Variants in SV2C observed in about 807,000 individuals in gnomAD.
SV2C encodes solute carrier family 22 member B3.
In SV2C, 49 loss-of-function variants were observed where a neutral mutation model predicts 79.7. The observed-to-expected ratio is 0.61, with a 90% CI of 0.49 to 0.78. The LOEUF (loss-of-function observed/expected upper bound fraction) is 0.78, where lower values mean the gene tolerates loss of function less well. SV2C is among the 30% of genes least tolerant of loss of function. SV2C has a pLI of 0.00. For synonymous variants in SV2C, 334 were observed against 333.2 expected (o/e 1.00, Z -0.03); for missense variants, 833 against 912.9 (o/e 0.91, Z 1.13).
chr5:76,088,401 T>G (rs1462199724), intron 1 of SV2C, among the ~76,000 whole-genome samples: 1 of 152,152 alleles, frequency 6.6e-6, no homozygotes, highest in Non-Finnish European at 1.5e-5. Flanking sequence ...CAATGGAAAT[T>G]TATTGCTCAC....
intron 6 of SV2C, among the ~76,000 whole-genome samples, chr5:76,289,554 T>C (rs1747482132): frequency 6.6e-6 from 1 of 152,190 alleles, no homozygotes; most frequent in Non-Finnish European, 1.5e-5. Flanking sequence ...ACTATATTCT[T>C]TCTTTTATCT....
At chr5:75,904,603 C>T in the SV2C span, among the ~76,000 whole-genome samples, 3 of 152,126 alleles carry the variant, frequency 2.0e-5, no homozygotes, top group Non-Finnish European at 4.4e-5. Context: ...TGAATCCCAA[C>T]AAATGATTCA....
chr5:76,073,676 C>T, the SV2C span, among the ~76,000 whole-genome samples: 1 of 151,486 alleles, frequency 6.6e-6, no homozygotes, highest in African/African-American at 2.4e-5. Flanking sequence ...TATGTTGTTA[C>T]TCATAAGTGG....
chr5:76,225,452 C>A (rs2112387212), intron 4 of SV2C, among the ~76,000 whole-genome samples: 1 of 152,274 alleles, frequency 6.6e-6, no homozygotes, highest in South Asian at 2.1e-4. Flanking sequence ...GGTTGGAAAA[C>A]AATGAGCCTG....
At chr5:76,255,107 A>G (rs886871447) in intron 4 of SV2C, among the ~76,000 whole-genome samples, 2 of 152,224 alleles carry the variant, frequency 1.3e-5, no homozygotes, top group African/African-American at 4.8e-5. Context: ...TTATTCATAT[A>G]ATATTAATGA....
intron 12 of SV2C, among the ~76,000 whole-genome samples, chr5:76,339,141 C>T (rs1440621028): frequency 6.6e-6 from 1 of 151,958 alleles, no homozygotes; most frequent in Non-Finnish European, 1.5e-5. Flanking sequence ...ACAAAATTAA[C>T]GTAAAAGTAA....
chr5:76,299,265 C>G (rs113836908), intron 10 of SV2C, among the ~76,000 whole-genome samples: 52 of 152,278 alleles, frequency 3.4e-4, no homozygotes, highest in Middle Eastern at 3.4e-3. Flanking sequence ...TGCCTCAACT[C>G]TATAGCCAAC....
intron 8 of SV2C, among the ~76,000 whole-genome samples, chr5:76,292,060 C>A (rs1747584577): frequency 6.6e-6 from 1 of 152,120 alleles, no homozygotes; most frequent in South Asian, 2.1e-4. Context: ...GGTAGCAAAA[C>A]CAATTGTATC....
chr5:76,182,940 T>TGTGTGA lies in SV2C; in HGVS notation c.581-11978_581-11977insTGTGAG, dbSNP rs1190295214. 1.3e-4 allele frequency among the ~76,000 whole-genome samples: 19 copies of TGTGTGA among 145,334 alleles called. 1 individual carries two copies. Among genetic ancestry groups the TGTGTGA allele is most frequent in the Admixed American group, 8.3e-4 (12 of 14,484 alleles). On this transcript the variant is annotated intron_variant, in intron 2 of 12. Transcript: ENST00000502798. ...GAGAGTGTGTGTGTGTGTGTGTATGTGAGAGAGAGAGAGAGAGACAGAGAG... is the reference window on the plus strand; with the variant it reads ...GAGAGTGTGTGTGTGTGTGTGTATGTGTGTGAGAGAGAGAGAGAGAGAGACAGAGAG...
chr5:76,136,902 A>G (rs537108759), intron 2 of SV2C, among the ~76,000 whole-genome samples: 2 of 152,310 alleles, frequency 1.3e-5, no homozygotes, highest in South Asian at 4.1e-4. Context: ...TTGTGGATAT[A>G]TTGTGAAGAC....
chr5:76,292,783 A>C (rs936063967), intron 8 of SV2C, among the ~76,000 whole-genome samples: 1 of 152,258 alleles, frequency 6.6e-6, no homozygotes, highest in Non-Finnish European at 1.5e-5. Flanking sequence ...AAGAGGAAAT[A>C]GGGAGAAAAT....
chr5:76,278,601 G>A (rs1055895397), intron 4 of SV2C, among the ~76,000 whole-genome samples: 2 of 152,038 alleles, frequency 1.3e-5, no homozygotes, highest in Non-Finnish European at 2.9e-5. Flanking sequence ...TGCGTGGCTG[G>A]GCTTCCAGGA....
At chr5:76,097,095 T>A (rs1365291601) in intron 1 of SV2C, among the ~76,000 whole-genome samples, 1 of 152,098 alleles carries the variant, frequency 6.6e-6, no homozygotes, top group Non-Finnish European at 1.5e-5. Context: ...CAGCCCACAT[T>A]CCATTGACCA....
intron 2 of SV2C, among the ~76,000 whole-genome samples, chr5:76,184,200 A>G (rs1166461031): frequency 6.6e-6 from 1 of 152,182 alleles, no homozygotes; most frequent in Non-Finnish European, 1.5e-5. Context: ...GTTTTTCTTA[A>G]AGCTCTTCAG....
the SV2C span, among the ~76,000 whole-genome samples, chr5:75,943,597 A>C: frequency 6.6e-6 from 1 of 152,152 alleles, no homozygotes; most frequent in Non-Finnish European, 1.5e-5. Context: ...GAACTGCCCC[A>C]TCTGTAACTG....
intron 3 of SV2C, among the ~76,000 whole-genome samples, chr5:76,195,415 G>A (rs2112328619): frequency 6.6e-6 from 1 of 152,226 alleles, no homozygotes; most frequent in Non-Finnish European, 1.5e-5. Flanking sequence ...AACATAAGTA[G>A]GAAATAGCTC....
At chr5:76,243,115 A>G (rs1460845952) in intron 4 of SV2C, among the ~76,000 whole-genome samples, 3 of 151,516 alleles carry the variant, frequency 2.0e-5, no homozygotes, top group Non-Finnish European at 2.9e-5. Context: ...ATAAAATGAG[A>G]TGAGCCATGT....
intron 1 of SV2C, among the ~76,000 whole-genome samples, chr5:76,099,710 G>T (rs1408307840): frequency 6.6e-6 from 1 of 152,142 alleles, no homozygotes; most frequent in East Asian, 1.9e-4. Flanking sequence ...GGACATTTGG[G>T]TTTATGTTCA....
intron 4 of SV2C, among the ~76,000 whole-genome samples, chr5:76,276,357 C>T (rs1580012057): frequency 6.6e-6 from 1 of 152,210 alleles, no homozygotes; most frequent in South Asian, 2.1e-4. Context: ...CAGCCTTTGA[C>T]CCTGCCCCCT....
Sources: gnomAD v4.1 joint callset for allele counts (sites outside exome capture counted in the v4.1 genomes callset) on GRCh38, gnomAD v4.1.1 for gene constraint, MANE v1.5 for transcripts, NCBI Gene and HGNC (gene_info 2026-07-23, HGNC 2026-07-21) for gene names.